The following ADAMTSL2 variants were observed in gnomAD, a reference collection of about 807,000 sequenced individuals.
ADAMTSL2 encodes ADAMTS like 2, also known as ADAMTS-like protein 2.
A neutral mutation model predicts 117.0 loss-of-function variants in ADAMTSL2; 55 were observed. The ratio of observed to expected loss-of-function variants is 0.47; its 90% CI spans 0.38 to 0.59. The LOEUF is 0.59. Ranked by LOEUF, ADAMTSL2 falls within the 20% of genes least tolerant of loss-of-function variation. ADAMTSL2 has a pLI of 0.00. For synonymous variants in ADAMTSL2, 572 were observed against 566.4 expected (o/e 1.01, Z -0.14); for missense variants, 1,182 against 1,354.5 (o/e 0.87, Z 2.00).
intron 17 of ADAMTSL2, 130 bp downstream of exon 17, chr9:133,570,637 C>T: frequency 2.8e-6 from 3 of 1,055,664 alleles, no homozygotes; most frequent in Non-Finnish European, 4.2e-6. Context: ...GAGGGCTTTC[C>T]TTCCCGGGAA....
chr9:133,572,462 G>A (rs993950637), intron 17 of ADAMTSL2, among the ~76,000 whole-genome samples: 46 of 152,296 alleles, frequency 3.0e-4, no homozygotes, highest in Admixed American at 1.7e-3. Context: ...GGGAGAGTGG[G>A]AAGGGGCAGG....
Position 133,544,486 on chromosome 9 carries a change from C to A in ADAMTSL2, c.699C>A (p.Thr233=). 6.2e-7 allele frequency: 1 copy of A among 1,614,102 alleles called. No homozygotes were observed. The highest frequency in any genetic ancestry group is 1.1e-5 in the South Asian group (1 of 91,080). Residue 233 remains threonine, a synonymous_variant, in exon 8 of 19, where the codon ACC becomes ACA. Coordinates refer to ENST00000651351, the MANE Select transcript of ADAMTSL2 (RefSeq NM_014694.4). ...GNAHLGYSLV[T]HIPAGARDIQ... ...TGCCTCCAGGTTACTCTCTGGTGAC[C>A]CACATCCCGGCTGGTGCCCGAGACA...
chr9:133,544,358 G>A, intron 7 of ADAMTSL2, 112 bp from the exon 8 acceptor site: 1 of 930,010 alleles, frequency 1.1e-6, no homozygotes, highest in Non-Finnish European at 1.8e-6. Context: ...TGGGGGTTGG[G>A]CCAGCCCTTA....
At chr9:133,539,558 G>A (rs998760715) in intron 4 of ADAMTSL2, among the ~76,000 whole-genome samples, 3 of 119,826 alleles carry the variant, frequency 2.5e-5, no homozygotes, top group Non-Finnish European at 5.5e-5. Flanking sequence ...GGCGTGGGGG[G>A]CGGAGCTGCC....
In ADAMTSL2 at chr9:133,538,394, G is replaced by C; in HGVS notation, c.279G>C (p.Thr93=). Residue 93 remains threonine, a synonymous_variant, in exon 4 of 19, where the codon ACG becomes ACC. Coordinates refer to ENST00000651351, the MANE Select transcript of ADAMTSL2 (RefSeq NM_014694.4). ...PGPGNRTCTG[T]SKRYQLCRVQ... ...CCGGGAACAGGACCTGCACGGGCAC[G>C]TCCAAGCGGTACCAGCTCTGCAGAG... 1 of 1,613,286 alleles carries C rather than the reference G, an allele frequency of 6.2e-7. No individual in the cohort carries two copies. Among genetic ancestry groups the C allele is most frequent in the Non-Finnish European group, 8.5e-7 (1 of 1,180,040 alleles).
chr9:133,533,671 G>C (rs1267252731), upstream of ADAMTSL2, among the ~76,000 whole-genome samples: 1 of 152,188 alleles, frequency 6.6e-6, no homozygotes, highest in Non-Finnish European at 1.5e-5. Context: ...TTCTCATGAA[G>C]GCAGCTGAAG....
intron 9 of ADAMTSL2, among the ~76,000 whole-genome samples, chr9:133,553,465 C>T (rs987671519): frequency 6.6e-6 from 1 of 152,164 alleles, no homozygotes; most frequent in African/African-American, 2.4e-5. Context: ...CTTCCACAAA[C>T]CTCTGCAAGT....
chr9:133,543,499 G>A (rs992333207), intron 7 of ADAMTSL2, among the ~76,000 whole-genome samples: 6 of 152,198 alleles, frequency 3.9e-5, no homozygotes, highest in Non-Finnish European at 7.4e-5. Context: ...CTGTTCCCCT[G>A]TGTCTCCAAA....
chr9:133,547,390 C>T (rs985426953), intron 9 of ADAMTSL2, among the ~76,000 whole-genome samples, 177 bp downstream of exon 9: 1 of 152,250 alleles, frequency 6.6e-6, no homozygotes, highest in Non-Finnish European at 1.5e-5. Flanking sequence ...GTTACTCATT[C>T]ACTTGTTCTT....
chr9:133,560,946 C>T (rs1830712987), intron 11 of ADAMTSL2, among the ~76,000 whole-genome samples: 1 of 152,230 alleles, frequency 6.6e-6, no homozygotes, highest in Admixed American at 6.5e-5. Flanking sequence ...GCTCGGGCAG[C>T]TCCCATGCAG....
intron 8 of ADAMTSL2, among the ~76,000 whole-genome samples, chr9:133,546,165 C>T (rs1830343357): frequency 6.6e-6 from 1 of 152,172 alleles, no homozygotes; most frequent in Non-Finnish European, 1.5e-5. Context: ...TCTCACTCTC[C>T]ATGGCCCCAG....
chr9:133,555,601 C>A lies in ADAMTSL2; in HGVS notation c.1320C>A (p.Asp440Glu). Residue 440 changes from aspartate (D) to glutamate (E), a missense_variant, in exon 11 of 19, where the codon GAC (aspartate) becomes GAA (glutamate). By Grantham distance (45) the Asp-to-Glu change is conservative (BLOSUM62 2). This residue lies in a region of ADAMTSL2 where 345 missense variants were observed against 325.8 expected (regional missense o/e 1.06). Transcript: ENST00000651351. ...TGTPLTGDKDDEEVDTHFASQ... is the reference protein window; with the variant it reads ...TGTPLTGDKDEEEVDTHFASQ... ...CTCCTCTCACCGGGGACAAGGATGA[C>A]GAAGAGGTTGACACCCACTTCGCCT... is the stretch of plus-strand genomic sequence containing the variant. The A allele has an allele frequency of 6.2e-7, 1 of 1,613,278 alleles. No individual in the cohort carries two copies.
chr9:133,568,439 CG>C lies in ADAMTSL2; in HGVS notation c.2043del (p.Asn682ThrfsTer26). The C allele has an allele frequency of 6.2e-7, 1 of 1,608,554 alleles. No individual in the cohort carries two copies. The highest frequency in any genetic ancestry group is 8.5e-7 in the Non-Finnish European group (1 of 1,178,356). On this transcript the variant is annotated frameshift_variant, in exon 14 of 19. Coordinates refer to ENST00000651351, the MANE Select transcript of ADAMTSL2 (RefSeq NM_014694.4). LOFTEE classifies it high-confidence loss of function. The stretch of plus-strand genomic sequence containing the variant: ...GCGGCCCGAGGAACGCAAGACCTGC[CG>C]GAACCCCGCCTGCGGGCCCCAGTGG... ...AVRPEERKTC[R>X]NPACGPQWEM...
chr9:133,539,853 A>G lies in ADAMTSL2; in HGVS notation c.392A>G (p.Gln131Arg), dbSNP rs761328410. 25 of 1,550,866 alleles carry G rather than the reference A, an allele frequency of 1.6e-5. No individual in the cohort carries two copies. In the South Asian group the frequency reaches 3.0e-4, roughly 18 times the overall value. Residue 131 changes from glutamine to arginine, a missense_variant, in exon 5 of 19, where the codon CAG becomes CGG. Gln to Arg is a conservative substitution (Grantham distance 43, BLOSUM62 1). Around this residue, in one of 3 missense-constraint regions of ADAMTSL2, gnomAD observed 372 missense variants for 463.4 expected, o/e 0.80. Coordinates refer to ENST00000651351, the MANE Select transcript of ADAMTSL2 (RefSeq NM_014694.4). The part of the protein sequence containing the change: ...NSHVYNGRTH[Q>R]WKPLYPDDYV... ...CACGTGTACAACGGGCGGACGCACC[A>G]GTGGAAGCCTCTGTACCCGGGTACC... is the stretch of plus-strand genomic sequence containing the variant.
At position 133,568,445 on chromosome 9, in the gene ADAMTSL2, C is replaced by G. The variant is rs1256062794; in HGVS notation, c.2047C>G (p.Pro683Ala). Reference sequence around the variant, plus strand: ...CGAGGAACGCAAGACCTGCCGGAACCCCGCCTGCGGGCCCCAGTGGGAGAT... The same window carrying G: ...CGAGGAACGCAAGACCTGCCGGAACGCCGCCTGCGGGCCCCAGTGGGAGAT... Reference protein sequence around the residue: ...RPEERKTCRNPACGPQWEMSE... With the variant: ...RPEERKTCRNAACGPQWEMSE... Residue 683 changes from proline (P) to alanine (A), a missense_variant, in exon 14 of 19, where the codon CCC (proline) becomes GCC (alanine). Transcript: ENST00000651351. 2 of 1,608,502 alleles carry G rather than the reference C, an allele frequency of 1.2e-6. No individual in the cohort carries two copies. Among genetic ancestry groups the G allele is most frequent in the South Asian group, 1.1e-5 (1 of 90,200 alleles).
chr9:133,575,265 T>C lies in ADAMTSL2; in HGVS notation c.*401T>C, dbSNP rs1304738722. On this transcript the variant is annotated 3_prime_UTR_variant, in exon 19 of 19. Coordinates refer to ENST00000651351, the MANE Select transcript of ADAMTSL2 (RefSeq NM_014694.4). ...GTGGCAGGGCCTTCTGAAGGAAACT[T>C]GCAGGCGAGCCCAACGTGGTGGGGG... 4.0e-6 allele frequency: 1 copy of C among 247,178 alleles called. No individual in the cohort carries two copies. Among genetic ancestry groups the C allele is most frequent in the African/African-American group, 2.2e-5 (1 of 44,612 alleles). The allele number at this position is 247,178 out of a possible 1,614,324, so 15.3% of individuals were successfully genotyped here.
intron 11 of ADAMTSL2, 83 bp downstream of exon 11, chr9:133,556,013 TG>T (rs1209385149): frequency 1.4e-5 from 21 of 1,535,208 alleles, no homozygotes; most frequent in South Asian, 4.7e-5. Flanking sequence ...GAGGCCCCAC[TG>T]GGGGGGTCTG....
intron 2 of ADAMTSL2, 73 bp from the exon 3 acceptor site, chr9:133,537,332 G>A: frequency 2.3e-6 from 3 of 1,315,314 alleles, no homozygotes; most frequent in Non-Finnish European, 2.9e-6. Context: ...GATACCCTCG[G>A]GCATGGGGTG....
At chr9:133,542,412 G>T (rs1830246785) in intron 7 of ADAMTSL2, among the ~76,000 whole-genome samples, 1 of 152,210 alleles carries the variant, frequency 6.6e-6, no homozygotes. Flanking sequence ...CCCAGGGCAT[G>T]CAGAGGGAGA....
Sources: gnomAD v4.1 joint callset for allele counts (sites outside exome capture counted in the v4.1 genomes callset) on GRCh38, gnomAD v4.1.1 for gene constraint, gnomAD v4.1.1 regional missense constraint, MANE v1.5 for transcripts, NCBI Gene and HGNC (gene_info 2026-07-23, HGNC 2026-07-21) for gene names.